Variants in SYT3 observed in about 807,000 individuals in gnomAD.
SYT3 encodes synaptotagmin 3, also known as synaptotagmin-3.
Under a neutral mutation model 50.6 loss-of-function variants are expected in SYT3, and 25 were observed. The ratio of observed to expected loss-of-function variants is 0.49; its 90% CI spans 0.36 to 0.69. The LOEUF (loss-of-function observed/expected upper bound fraction) is 0.69, where lower values mean the gene tolerates loss of function less well. Ranked by LOEUF, SYT3 falls within the 30% of genes least tolerant of loss-of-function variation. The probability of loss-of-function intolerance (pLI) is 0.00; values close to 1 mark genes in which losing one functional copy is unlikely to be tolerated. For synonymous variants in SYT3, 323 were observed against 353.9 expected (o/e 0.91, Z 0.98); for missense variants, 589 against 793.6 (o/e 0.74, Z 3.10).
rs1984355440 is a variant in SYT3, at chr19:50,632,605, C to T, written c.355G>A (p.Ala119Thr). ...AGCAGAGGATGGCCACCCAGGCCAGCCGCCAGGTGGTGCCCGCCTCCGCCT... is the reference window on the plus strand; with the variant it reads ...AGCAGAGGATGGCCACCCAGGCCAGTCGCCAGGTGGTGCCCGCCTCCGCCT... ...LVGGGGHHLA[A>T]GLGGHPLLGG... Residue 119 changes from alanine to threonine, a missense_variant, in exon 4 of 11, where the codon GCT becomes ACT. Ala to Thr is a moderately conservative substitution (Grantham distance 58). Transcript: ENST00000600079. The surrounding 1 kb of genome is among the most constrained non-coding windows in gnomAD (Gnocchi z 4.7). 2 of 1,577,524 alleles carry T rather than the reference C, an allele frequency of 1.3e-6. No homozygotes were observed. The highest frequency in any genetic ancestry group is 1.3e-5 in the African/African-American group (1 of 74,412).
the SYT3 span, among the ~76,000 whole-genome samples, chr19:50,652,360 G>A: frequency 1.1e-4 from 17 of 152,232 alleles, no homozygotes; most frequent in Non-Finnish European, 1.6e-4. Context: ...CTGCCCTTAC[G>A]TTGCTCAGAA....
At chr19:50,623,674 C>T (rs569358614) in intron 9 of SYT3, among the ~76,000 whole-genome samples, 23 of 143,750 alleles carry the variant, frequency 1.6e-4, no homozygotes, top group Admixed American at 7.7e-4. Context: ...AGGTGGCACA[C>T]GCCTGTAGTC....
chr19:50,644,824 T>C (rs1274670246), upstream of SYT3, among the ~76,000 whole-genome samples: 2 of 151,160 alleles, frequency 1.3e-5, no homozygotes, highest in Admixed American at 6.6e-5. Context: ...TTTGGAGAAA[T>C]AGATGAAGGG....
At chr19:50,636,333 C>T (rs562747681) in intron 3 of SYT3, among the ~76,000 whole-genome samples, 1 of 152,268 alleles carries the variant, frequency 6.6e-6, no homozygotes, top group East Asian at 1.9e-4. Context: ...ATCATTGAAC[C>T]TGAGGGTGGT....
In SYT3 at chr19:50,625,454, C is replaced by T. The variant is rs747084464; in HGVS notation, c.1513G>A (p.Asp505Asn). 6.3e-7 allele frequency: 1 copy of T among 1,590,688 alleles called. No individual in the cohort carries two copies. Among genetic ancestry groups the T allele is most frequent in the South Asian group, 1.1e-5 (1 of 87,710 alleles). Residue 505 changes from aspartate to asparagine, a missense_variant, in exon 8 of 11, where the codon GAC becomes AAC. By Grantham distance (23) the Asp-to-Asn change is conservative. Around this residue, in one of 2 missense-constraint regions of SYT3, gnomAD observed 273 missense variants for 439.3 expected, o/e 0.62. Transcript: ENST00000600079. This position sits in a 1 kb window ranked among gnomAD's most constrained non-coding sequence, Gnocchi z 7.5. ...NPTYNEALVF[D>N]VAPESVENVG... ...TTCTCCACGCTCTCGGGGGCCACGT[C>T]GAACACCAGCGCCTCATTATAGGTG...
In SYT3 at chr19:50,625,170, G is replaced by T. The variant is rs760334228; in HGVS notation, c.1699C>A (p.Leu567Ile). The change falls in exon 9 of 11, where the codon CTA (leucine) becomes ATA (isoleucine). Residue 567 changes from leucine (L) to isoleucine (I), a missense_variant. Leu to Ile is a conservative substitution (Grantham distance 5). Coordinates refer to ENST00000600079, the MANE Select transcript of SYT3 (RefSeq NM_001160329.2). This position sits in a 1 kb window ranked among gnomAD's most constrained non-coding sequence, Gnocchi z 7.5. ...PRKPVEHWHQ[L>I]VEEKTVTSFT... ...GTGGGACCCCTACTCACCTCCACTA[G>T]CTGATGCCAGTGCTCCACGGGCTTG... The T allele has an allele frequency of 6.3e-7, 1 of 1,597,806 alleles. No homozygotes were observed. The highest frequency in any genetic ancestry group is 8.5e-7 in the Non-Finnish European group (1 of 1,175,860).
the SYT3 span, chr19:50,656,112 A>G: frequency 6.5e-7 from 1 of 1,536,120 alleles, no homozygotes; most frequent in Admixed American, 2.0e-5. Context: ...GGGCAGGCCC[A>G]TCAAATCCTC....
chr19:50,644,077 T>G (rs1984723194), upstream of SYT3, among the ~76,000 whole-genome samples: 1 of 152,068 alleles, frequency 6.6e-6, no homozygotes, highest in South Asian at 2.1e-4. Flanking sequence ...CCCGTAGGAG[T>G]AGCACTTTGT....
intron 6 of SYT3, among the ~76,000 whole-genome samples, chr19:50,628,825 CT>C (rs11418879): frequency 1.2e-3 from 168 of 136,194 alleles, no homozygotes; most frequent in Middle Eastern, 3.8e-3. Context: ...ATTATCTGTT[CT>C]TTTTTTTTTT....
At chr19:50,647,173 G>A in the SYT3 span, among the ~76,000 whole-genome samples, 1 of 152,112 alleles carries the variant, frequency 6.6e-6, no homozygotes, top group Admixed American at 6.5e-5. Context: ...AAGGGTAGGT[G>A]GAGAATGTTT....
chr19:50,630,121 G>A lies in SYT3; in HGVS notation c.725C>T (p.Pro242Leu), dbSNP rs766161130. 8.1e-6 allele frequency: 13 copies of A among 1,600,850 alleles called. No homozygotes were observed. Among genetic ancestry groups the A allele is most frequent in the East Asian group, 6.7e-5 (3 of 44,792 alleles). The change falls in exon 5 of 11, where the codon CCG becomes CTG. Residue 242 changes from proline to leucine, a missense_variant. Pro to Leu is a moderately conservative substitution (Grantham distance 98, BLOSUM62 -3). This residue lies in a region of SYT3 where 316 missense variants were observed against 354.3 expected (regional missense o/e 0.89). Coordinates refer to ENST00000600079, the MANE Select transcript of SYT3 (RefSeq NM_001160329.2). ...PLTQQTLTSQ[P>L]DPSSEERPPA... is the part of the protein sequence containing the mutation. ...TGGCCGCTCCTCACTGCTGGGGTCC[G>A]GCTGGGAGGTCAGAGTCTGCTGGGT...
the SYT3 span, among the ~76,000 whole-genome samples, chr19:50,651,282 A>G: frequency 2.6e-5 from 4 of 152,256 alleles, no homozygotes; most frequent in Non-Finnish European, 1.5e-5. Context: ...CTTTTGCTCA[A>G]AAACCTTGGC....
At chr19:50,641,034 C>T (rs923458184), upstream of SYT3, among the ~76,000 whole-genome samples, 7 of 152,068 alleles carry the variant, frequency 4.6e-5, no homozygotes, top group East Asian at 1.9e-4. Flanking sequence ...TCCTGGACAA[C>T]GTAGGAGACT....
chr19:50,649,859 C>G, the SYT3 span: 17 of 478,294 alleles, frequency 3.6e-5, 1 homozygote, highest in South Asian at 2.6e-4. Context: ...CTGCTCTCCT[C>G]CTTCCTGGTT....
the SYT3 span, chr19:50,649,685 C>T: frequency 8.1e-6 from 6 of 743,222 alleles, no homozygotes; most frequent in Admixed American, 1.0e-4. Context: ...GGACCTCAAA[C>T]TACATTTCCC....
upstream of SYT3, among the ~76,000 whole-genome samples, chr19:50,640,530 G>A (rs1227145022): frequency 6.6e-6 from 1 of 152,128 alleles, no homozygotes; most frequent in African/African-American, 2.4e-5. Context: ...TGCTTTGAAA[G>A]CGTTTTCTCA....
At chr19:50,627,351 C>G (rs1315321844) in intron 6 of SYT3, among the ~76,000 whole-genome samples, 2 of 152,194 alleles carry the variant, frequency 1.3e-5, no homozygotes, top group African/African-American at 2.4e-5. Context: ...ACACAAGGCC[C>G]GACCATCTAG....
At chr19:50,655,648 CAA>C in the SYT3 span, among the ~76,000 whole-genome samples, 1 of 133,560 alleles carries the variant, frequency 7.5e-6, no homozygotes. Flanking sequence ...GACTCTGTCT[CAA>C]AAAAAAAAAA....
At chr19:50,624,455 A>G (rs1020766097) in intron 9 of SYT3, among the ~76,000 whole-genome samples, 3 of 152,184 alleles carry the variant, frequency 2.0e-5, no homozygotes, top group South Asian at 4.1e-4. Flanking sequence ...AAATCTGCCA[A>G]TAACACTTTC....
Sources: allele counts gnomAD v4.1 joint callset (sites outside exome capture counted in the v4.1 genomes callset), GRCh38; gene constraint gnomAD v4.1.1; regional missense constraint gnomAD v4.1.1; non-coding constraint Gnocchi (gnomAD v3.1); transcripts MANE v1.5; gene names NCBI Gene and HGNC (gene_info 2026-07-23, HGNC 2026-07-21).